PCDHA9: variants seen among roughly 807,000 people sequenced by gnomAD.
PCDHA9 encodes protocadherin alpha-9.
A neutral mutation model predicts 62.0 loss-of-function variants in PCDHA9; 62 were observed. The ratio of observed to expected loss-of-function variants is 1.00; its 90% CI spans 0.81 to 1.23. The LOEUF (loss-of-function observed/expected upper bound fraction) is 1.23. PCDHA9 is among the 50% of genes most tolerant of loss of function. PCDHA9 has a pLI of 0.00. For synonymous variants in PCDHA9, 557 were observed against 567.6 expected, an observed-to-expected ratio of 0.98 and a Z score of 0.27; for missense variants, 1,205 against 1,249.8, an observed-to-expected ratio of 0.96 and a Z score of 0.54.
At chr5:140,954,476 G>C (rs1467215585) in intron 1 of PCDHA9, among the ~76,000 whole-genome samples, 1 of 152,192 alleles carries the variant, frequency 6.6e-6, no homozygotes, top group Non-Finnish European at 1.5e-5. Context: ...ACTGGTGTGA[G>C]AAGATATTTC....
At chr5:140,987,451 T>G (rs1481665271) in intron 3 of PCDHA9, among the ~76,000 whole-genome samples, 2 of 152,108 alleles carry the variant, frequency 1.3e-5, no homozygotes, top group African/African-American at 4.8e-5. Flanking sequence ...GCCCGAGAGA[T>G]AATTGTTAAG....
chr5:140,928,989 A>T (rs1554206541), intron 1 of PCDHA9: 1 of 1,613,824 alleles, frequency 6.2e-7, no homozygotes, highest in Non-Finnish European at 8.5e-7. Context: ...TGGGGTGCTT[A>T]CTTTTCTTCG....
intron 1 of PCDHA9, chr5:140,884,217 T>C (rs782181432): frequency 6.2e-7 from 1 of 1,613,448 alleles, no homozygotes; most frequent in East Asian, 2.2e-5. Flanking sequence ...CTTCTGGTGC[T>C]GGTGAAGGAC....
At chr5:140,997,225 C>T (rs1554255781) in intron 3 of PCDHA9, among the ~76,000 whole-genome samples, 1 of 152,090 alleles carries the variant, frequency 6.6e-6, no homozygotes, top group African/African-American at 2.4e-5. Context: ...CTATCATTAC[C>T]ACCCAACTTC....
intron 1 of PCDHA9, chr5:140,869,908 CGAGACGAAG>C: frequency 6.2e-7 from 1 of 1,610,646 alleles, no homozygotes; most frequent in Non-Finnish European, 8.5e-7. Context: ...CGCCACAGAC[CGAGACGAAG>C]GAGTCAATGG....
intron 2 of PCDHA9, among the ~76,000 whole-genome samples, chr5:140,981,379 G>C (rs1387904235): frequency 6.6e-6 from 1 of 152,152 alleles, no homozygotes; most frequent in Non-Finnish European, 1.5e-5. Context: ...TTCAAGACCA[G>C]CCTGGTCAAT....
rs782361309 is a variant in PCDHA9 at position 140,857,289 on chromosome 5, G to T, written c.2394+6400G>T. 3 of 1,598,578 alleles carry T rather than the reference G, an allele frequency of 1.9e-6. 1 individual carries two copies. Among genetic ancestry groups the T allele is most frequent in the Middle Eastern group, 1.7e-4 (1 of 5,944 alleles). ...TTGGTGCTGGACAGCGCTCTGGACC[G>T]CGAGAGGGTGTCGGCCTATGAGCTG... is the stretch of plus-strand genomic sequence containing the variant. On this transcript the variant is annotated intron_variant, in intron 1 of 3. Transcript: ENST00000532602.
intron 1 of PCDHA9, chr5:140,882,138 T>C: frequency 6.7e-7 from 1 of 1,489,248 alleles, no homozygotes; most frequent in South Asian, 1.4e-5. Context: ...CTGCAGAAAA[T>C]ATAGCAGAAA....
rs114918834 is a variant in PCDHA9, at chr5:140,920,894, T to C, written c.2395-58055T>C. 7.8e-3 allele frequency among the ~76,000 whole-genome samples: 1,179 copies of C among 151,482 alleles called. 6 individuals carry two copies. The highest frequency in any genetic ancestry group is 0.019 in the African/African-American group (771 of 41,278). Reference sequence around the variant, plus strand: ...GTGGCCCTTAGAACTTAAAGTCATATTTTGGTTCTCAAATCAGTTCCAAGA... The same window carrying C: ...GTGGCCCTTAGAACTTAAAGTCATACTTTGGTTCTCAAATCAGTTCCAAGA... On this transcript the variant is annotated intron_variant, in intron 1 of 3. Coordinates refer to ENST00000532602, the MANE Select transcript of PCDHA9 (RefSeq NM_031857.2).
At chr5:140,888,796 T>C (rs1158691492) in intron 1 of PCDHA9, among the ~76,000 whole-genome samples, 1 of 152,008 alleles carries the variant, frequency 6.6e-6, no homozygotes, top group East Asian at 1.9e-4. Context: ...TCTGGGGAGG[T>C]TGATCAGTGA....
At chr5:140,877,935 C>A (rs1184618592) in intron 1 of PCDHA9, 28 of 1,388,566 alleles carry the variant, frequency 2.0e-5, no homozygotes, top group Admixed American at 3.0e-5. Context: ...TGATTCTATC[C>A]TTTAAACTAT....
Position 140,850,216 on chromosome 5 carries a change from A to G in PCDHA9, c.1721A>G (p.Asp574Gly), listed in dbSNP as rs1390676090. The G allele has an allele frequency of 3.1e-6, 5 of 1,593,446 alleles. No individual in the cohort carries two copies. Among genetic ancestry groups the G allele is most frequent in the Non-Finnish European group, 4.3e-6 (5 of 1,167,562 alleles). The change falls in exon 1 of 4, where the codon GAC becomes GGC. Residue 574 changes from aspartate to glycine, a missense_variant. Asp to Gly is a moderately conservative substitution (Grantham distance 94). Coordinates refer to ENST00000532602, the MANE Select transcript of PCDHA9 (RefSeq NM_031857.2). The stretch of plus-strand genomic sequence containing the variant: ...CTGACACCTCGGATGAGGGGCACTG[A>G]CGGCGCAGTGAGCGAGATGGTGCTG... ...ALLTPRMRGTDGAVSEMVLRS... is the reference protein window; with the variant it reads ...ALLTPRMRGTGGAVSEMVLRS...
At chr5:140,851,027 C>T (rs782593711) in intron 1 of PCDHA9, 138 bp downstream of exon 1, 2 of 1,410,074 alleles carry the variant, frequency 1.4e-6, no homozygotes, top group South Asian at 1.8e-5. Context: ...TAAAGTAAAC[C>T]CCTTAACATT....
chr5:140,883,393 C>G, intron 1 of PCDHA9: 1 of 1,614,160 alleles, frequency 6.2e-7, no homozygotes, highest in South Asian at 1.1e-5. Context: ...TCAGTGTGTC[C>G]GATCGTGACT....
At chr5:140,973,980 A>G (rs1554235707) in intron 1 of PCDHA9, among the ~76,000 whole-genome samples, 1 of 152,248 alleles carries the variant, frequency 6.6e-6, no homozygotes, top group African/African-American at 2.4e-5. Flanking sequence ...TGGCTTTTAC[A>G]GAACTTCACC....
chr5:140,848,979 A>G lies in PCDHA9; in HGVS notation c.484A>G (p.Ile162Val). ...FPLEGASDAD[I>V]GENALLTYRL... ...ACTAGAGGGCGCGTCCGATGCAGAT[A>G]TCGGGGAGAACGCCCTGCTCACTTA... Residue 162 changes from isoleucine (I) to valine (V), a missense_variant, in exon 1 of 4, where the codon ATC (isoleucine) becomes GTC (valine). Coordinates refer to ENST00000532602, the MANE Select transcript of PCDHA9 (RefSeq NM_031857.2). 1 of 1,599,958 alleles carries G rather than the reference A, an allele frequency of 6.3e-7. No homozygotes were observed. The highest frequency in any genetic ancestry group is 8.5e-7 in the Non-Finnish European group (1 of 1,171,210).
chr5:140,961,504 G>T (rs2095618659), intron 1 of PCDHA9, among the ~76,000 whole-genome samples: 1 of 152,112 alleles, frequency 6.6e-6, no homozygotes, highest in African/African-American at 2.4e-5. Flanking sequence ...GGGAGACTTT[G>T]TTTAATGTCT....
chr5:140,876,580 G>T, intron 1 of PCDHA9: 1 of 1,614,190 alleles, frequency 6.2e-7, no homozygotes, highest in African/African-American at 1.3e-5. Context: ...TACCGTCATT[G>T]CCCTGATTAG....
At chr5:140,893,385 G>A (rs2063961874) in intron 1 of PCDHA9, among the ~76,000 whole-genome samples, 1 of 152,138 alleles carries the variant, frequency 6.6e-6, no homozygotes, top group South Asian at 2.1e-4. Flanking sequence ...TGGGACAGTG[G>A]CTCATGCCTG....
Sources: gnomAD v4.1 joint callset for allele counts (sites outside exome capture counted in the v4.1 genomes callset) on GRCh38, gnomAD v4.1.1 for gene constraint, MANE v1.5 for transcripts, NCBI Gene and HGNC (gene_info 2026-07-23, HGNC 2026-07-21) for gene names.